Variants in ABCA6 observed in about 807,000 individuals in gnomAD.
ABCA6 encodes ATP-binding cassette sub-family A member 6.
ABCA6 carries 164 observed loss-of-function variants against 191.2 expected under a neutral mutation model. The observed-to-expected ratio is 0.86, with a 90% CI of 0.76 to 0.98. The LOEUF is 0.98. Ranked by LOEUF, ABCA6 falls within the 50% of genes least tolerant of loss-of-function variation. The pLI is 0.00. For missense variants in ABCA6, 1,958 were observed against 1,894.1 expected (o/e 1.03, Z -0.63); for synonymous variants, 636 against 647.7 (o/e 0.98, Z 0.27).
intron 36 of ABCA6, among the ~76,000 whole-genome samples, chr17:69,081,402 C>A (rs1474322613): frequency 6.6e-6 from 1 of 152,108 alleles, no homozygotes; most frequent in Non-Finnish European, 1.5e-5. Context: ...TGTTGAAAAT[C>A]AGGTATTCTG....
intron 8 of ABCA6, among the ~76,000 whole-genome samples, chr17:69,125,426 A>G (rs1430728480): frequency 6.6e-6 from 1 of 152,058 alleles, no homozygotes; most frequent in African/African-American, 2.4e-5. Context: ...TCTAGTTATT[A>G]TTTCAAATAA....
In ABCA6 at chr17:69,112,084, G is replaced by C. The variant is rs963631402; in HGVS notation, c.2132+99C>G. 3 of 858,978 alleles carry C rather than the reference G, an allele frequency of 3.5e-6. No homozygotes were observed. In the African/African-American group the frequency reaches 5.1e-5, roughly 15 times the overall value. 53.2% of individuals were successfully genotyped at this position (858,978 alleles called of 1,614,324 possible). On this transcript the variant is annotated intron_variant, in intron 16 of 38. Transcript: ENST00000284425. ...AAACACTGATCAATCCAGTATGGTAGAGATGAAGCACGAGGCCAGTTCTGT... is the reference window on the plus strand; with the variant it reads ...AAACACTGATCAATCCAGTATGGTACAGATGAAGCACGAGGCCAGTTCTGT...
intron 28 of ABCA6, among the ~76,000 whole-genome samples, 159 bp downstream of exon 28, chr17:69,088,008 T>G (rs548689619): frequency 6.6e-6 from 1 of 152,338 alleles, no homozygotes; most frequent in South Asian, 2.1e-4. Flanking sequence ...GCCTGGGAGT[T>G]CTATCTCTTG....
rs141143358 is a variant in ABCA6 at position 69,133,710 on chromosome 17, T to C, written c.722A>G (p.Asn241Ser). 562 of 1,611,258 alleles carry C rather than the reference T, an allele frequency of 3.5e-4. 4 individuals are homozygous for C. In the African/African-American group the frequency reaches 6.4e-3, roughly 18 times the overall value. ...FSPLVYFISL[N>S]VTKERKKSKN... The stretch of plus-strand genomic sequence containing the variant: ...AGACTTTTTTCTCTCTTTTGTTACA[T>C]TGAGTGATATAAAATATACAAGTGG... Residue 241 changes from asparagine (N) to serine (S), a missense_variant, in exon 6 of 39, where the codon AAT becomes AGT. Asn to Ser is a conservative substitution (Grantham distance 46). Transcript: ENST00000284425.
chr17:69,135,617 T>G (rs2144720736), intron 4 of ABCA6: 1 of 177,450 alleles, frequency 5.6e-6, no homozygotes, highest in African/African-American at 2.3e-5. Context: ...TCTTCACAAT[T>G]ACCTTTCTTC....
In ABCA6 at chr17:69,078,890, T is replaced by C. The variant is rs1039367601; in HGVS notation, c.*83A>G. 12 of 745,348 alleles carry C rather than the reference T, an allele frequency of 1.6e-5. No homozygotes were observed. The highest frequency in any genetic ancestry group is 2.4e-5 in the Non-Finnish European group (12 of 493,490). 46.2% of individuals were successfully genotyped at this position (745,348 alleles called of 1,614,324 possible). ...TATACCTGATGTTAATTTTAAATGA[T>C]CTTTAAAATTAAACATACTATTAAT... On this transcript the variant is annotated 3_prime_UTR_variant, in exon 39 of 39. Coordinates refer to ENST00000284425, the MANE Select transcript of ABCA6 (RefSeq NM_080284.3).
chr17:69,114,756 T>G lies in ABCA6; in HGVS notation c.1782+6A>C. The G allele has an allele frequency of 1.2e-6, 2 of 1,606,082 alleles. No homozygotes were observed. The highest frequency in any genetic ancestry group is 1.7e-6 in the Non-Finnish European group (2 of 1,176,476). Reference sequence around the variant, plus strand: ...CAGGTCAGTTAATCCAAGCATGCCCTCCTACCTCTTGTTCCACTTCCTTTA... The same window carrying G: ...CAGGTCAGTTAATCCAAGCATGCCCGCCTACCTCTTGTTCCACTTCCTTTA... On this transcript the variant is annotated splice_donor_region_variant and intron_variant, in intron 13 of 38. Transcript: ENST00000284425.
At chr17:69,108,401 C>T (rs565520565) in intron 17 of ABCA6, 1 of 152,302 alleles carries the variant, frequency 6.6e-6, no homozygotes, top group South Asian at 2.1e-4. Context: ...AAACCTCAGC[C>T]AGACACCAGT....
chr17:69,087,507 T>A, intron 28 of ABCA6, 34 bp from the exon 29 acceptor site: 1 of 1,610,938 alleles, frequency 6.2e-7, no homozygotes. Context: ...ACATGTGGTA[T>A]TCTAGCTGTT....
intron 20 of ABCA6, 146 bp downstream of exon 20, chr17:69,105,316 G>A: frequency 1.3e-6 from 1 of 770,380 alleles, no homozygotes; most frequent in Middle Eastern, 3.9e-4. Context: ...GAGTAAATCT[G>A]CACTGTTCCT....
rs776226274 is a variant in ABCA6, at chr17:69,079,114, A to C, written c.4753-40T>G. The C allele has an allele frequency of 6.4e-6, 10 of 1,574,044 alleles. No homozygotes were observed. In the South Asian group the frequency reaches 9.1e-5, roughly 14 times the overall value. ...AAGAAGAAGGAAAGAAGGAAGAGAG[A>C]TTATCAAGTTGTTGGTCTTCCAAAT... On this transcript the variant is annotated intron_variant, in intron 38 of 38. Transcript: ENST00000284425.
intron 36 of ABCA6, 50 bp from the exon 37 acceptor site, chr17:69,081,195 A>G: frequency 1.0e-6 from 1 of 976,932 alleles, no homozygotes. Flanking sequence ...AGGGGAGAAA[A>G]TGAGCATCAG....
chr17:69,133,927 G>T, intron 5 of ABCA6, 60 bp from the exon 6 acceptor site: 1 of 1,159,298 alleles, frequency 8.6e-7, no homozygotes, highest in South Asian at 1.6e-5. Flanking sequence ...GGTGAACTAT[G>T]AGTAAGCTCT....
intron 37 of ABCA6, 48 bp downstream of exon 37, chr17:69,081,018 G>C (rs999363930): frequency 8.8e-7 from 1 of 1,133,504 alleles, no homozygotes; most frequent in Non-Finnish European, 1.3e-6. Flanking sequence ...TATTATTTTA[G>C]TATTAGTTGA....
In ABCA6 at chr17:69,091,825, A is replaced by G. The variant is rs1306847994; in HGVS notation, c.3409-563T>C. 5.3e-5 allele frequency among the ~76,000 whole-genome samples: 8 copies of G among 152,080 alleles called. 4 individuals carry two copies. The highest frequency in any genetic ancestry group is 1.3e-4 in the Admixed American group (2 of 15,264). The stretch of plus-strand genomic sequence containing the variant: ...GCGTGAGCCACCGCGCCCGGCCCCA[A>G]ATAGACTTCTTGACGTGTATTATTA... On this transcript the variant is annotated intron_variant, in intron 25 of 38. Coordinates refer to ENST00000284425, the MANE Select transcript of ABCA6 (RefSeq NM_080284.3).
At chr17:69,107,090 A>C (rs182154562) in intron 18 of ABCA6, among the ~76,000 whole-genome samples, 1 of 152,188 alleles carries the variant, frequency 6.6e-6, no homozygotes, top group African/African-American at 2.4e-5. Flanking sequence ...CTGTACATGT[A>C]TCTTACATCT....
At chr17:69,091,014 C>G (rs746912120) in intron 26 of ABCA6, 129 bp downstream of exon 26, 1 of 900,280 alleles carries the variant, frequency 1.1e-6, no homozygotes, top group Admixed American at 3.3e-5. Flanking sequence ...TCATCATCCC[C>G]CCAAAATCTC....
intron 4 of ABCA6, 102 bp from the exon 5 acceptor site, chr17:69,134,844 A>T: frequency 1.4e-6 from 1 of 724,620 alleles, no homozygotes; most frequent in Admixed American, 2.8e-5. Flanking sequence ...AGACTCTACC[A>T]GTAAACTTTT....
At chr17:69,117,232 C>T (rs749262073) in intron 11 of ABCA6, among the ~76,000 whole-genome samples, 9 of 152,044 alleles carry the variant, frequency 5.9e-5, no homozygotes, top group Non-Finnish European at 1.3e-4. Flanking sequence ...GAGAACTCTA[C>T]ACTTCTGGAA....
Sources: gnomAD v4.1 joint callset for allele counts (sites outside exome capture counted in the v4.1 genomes callset) on GRCh38, gnomAD v4.1.1 for gene constraint, MANE v1.5 for transcripts, NCBI Gene and HGNC (gene_info 2026-07-23, HGNC 2026-07-21) for gene names.